SMAD2: variants seen among roughly 807,000 people sequenced by gnomAD.
SMAD2 encodes MAD homolog 2.
Under a neutral mutation model 64.4 loss-of-function variants are expected in SMAD2, and 8 were observed. The observed-to-expected ratio is 0.12, with a 90% CI of 0.07 to 0.22. The LOEUF is 0.22. SMAD2 is among the 10% of genes least tolerant of loss of function. SMAD2 has a pLI of 1.00. For synonymous variants in SMAD2, 203 were observed against 195.8 expected (o/e 1.04, Z -0.31); for missense variants, 289 against 561.2 (o/e 0.51, Z 4.90).
At position 47,813,677 on chromosome 18, in the gene SMAD2, A is replaced by G. The variant is rs1225238698; in HGVS notation, c.*28150T>C. On this transcript the variant is annotated 3_prime_UTR_variant, in exon 11 of 11. Transcript: ENST00000262160. ...TGCCTCGGCCTCCCAAAGTGCTGGG[A>G]TTACAGGCATGAGCCACTGTACCCG... 1 of 141,824 alleles carries G rather than the reference A, an allele frequency of 7.1e-6. No homozygotes were observed. Among genetic ancestry groups the G allele is most frequent in the Non-Finnish European group, 1.5e-5 (1 of 66,508 alleles). The allele number at this position is 141,824 out of a possible 1,614,324, so 8.8% of individuals were successfully genotyped here.
At chr18:47,880,319 G>A (rs112616763) in intron 2 of SMAD2, among the ~76,000 whole-genome samples, 2,613 of 152,210 alleles carry the variant, frequency 0.017, 67 homozygotes, top group African/African-American at 0.059. Context: ...TGTTTTCACT[G>A]GTGTAAGGTG....
In SMAD2 at chr18:47,813,732, T is replaced by TTTTTTTTTG. The variant is rs59275200; in HGVS notation, c.*28094_*28095insCAAAAAAAA. 8.2e-6 allele frequency: 1 copy of TTTTTTTTTG among 121,266 alleles called. No homozygotes were observed. Among genetic ancestry groups the TTTTTTTTTG allele is most frequent in the Non-Finnish European group, 1.8e-5 (1 of 56,964 alleles). The allele number at this position is 121,266 out of a possible 1,614,324, so 7.5% of individuals were successfully genotyped here. On this transcript the variant is annotated 3_prime_UTR_variant, in exon 11 of 11. Coordinates refer to ENST00000262160, the MANE Select transcript of SMAD2 (RefSeq NM_005901.6). ...CACAATTTTTTTTTTTTTTTTTTTT[T>TTTTTTTTTG]GGAGAGATGGGATCTTGCTATGTTG...
At chr18:47,903,882 G>A (rs1034751503) in intron 1 of SMAD2, among the ~76,000 whole-genome samples, 1 of 140,390 alleles carries the variant, frequency 7.1e-6, no homozygotes. Flanking sequence ...AGTGTGGGGG[G>A]GGGGGGGACT....
At chr18:47,869,622 C>T (rs1013627409) in intron 3 of SMAD2, among the ~76,000 whole-genome samples, 186 bp from the exon 4 acceptor site, 19 of 152,036 alleles carry the variant, frequency 1.2e-4, no homozygotes, top group Non-Finnish European at 2.5e-4. Flanking sequence ...TATGCAGCAG[C>T]ACTAGCAGAT....
chr18:47,843,878 T>C (rs778678259), intron 10 of SMAD2, among the ~76,000 whole-genome samples: 9 of 152,210 alleles, frequency 5.9e-5, no homozygotes, highest in African/African-American at 1.9e-4. Flanking sequence ...AGCAGATCTA[T>C]AGATACACAT....
chr18:47,883,593 G>C (rs2032732458), intron 2 of SMAD2, among the ~76,000 whole-genome samples: 1 of 152,014 alleles, frequency 6.6e-6, no homozygotes, highest in Non-Finnish European at 1.5e-5. Context: ...TTGTGATTCT[G>C]TCCCATTAAT....
chr18:47,850,998 A>G (rs1188741041), intron 7 of SMAD2, among the ~76,000 whole-genome samples: 1 of 147,432 alleles, frequency 6.8e-6, no homozygotes, highest in Admixed American at 7.1e-5. Flanking sequence ...AAATCTAGCC[A>G]TAACAGGTTA....
At chr18:47,845,625 T>A (rs899008236) in intron 9 of SMAD2, 38 bp downstream of exon 9, 1 of 1,611,390 alleles carries the variant, frequency 6.2e-7, no homozygotes, top group Non-Finnish European at 8.5e-7. Context: ...ACTAAGCAAG[T>A]TGACATGATA....
At chr18:47,874,506 T>C (rs558320722) in intron 2 of SMAD2, among the ~76,000 whole-genome samples, 5 of 152,242 alleles carry the variant, frequency 3.3e-5, no homozygotes, top group Non-Finnish European at 7.4e-5. Context: ...ACTGAATATA[T>C]GATTTGTGCA....
chr18:47,871,490 T>C (rs1475821985), intron 2 of SMAD2, among the ~76,000 whole-genome samples: 1 of 152,228 alleles, frequency 6.6e-6, no homozygotes, highest in Admixed American at 6.5e-5. Flanking sequence ...TGGCTTCCTG[T>C]GGCCAGGCAA....
intron 1 of SMAD2, among the ~76,000 whole-genome samples, chr18:47,912,686 A>G (rs1384931307): frequency 6.6e-6 from 1 of 152,178 alleles, no homozygotes; most frequent in African/African-American, 2.4e-5. Context: ...TCCTCAGAAC[A>G]AAACCTCTTT....
In SMAD2 at chr18:47,850,307, G is replaced by GTA. The variant is rs71162895; in HGVS notation, c.784+965_784+966dup. Reference sequence around the variant, plus strand: ...ATATATTATGTATAATATATATTATGTATGTTATATACATATTATGTATAA... The same window carrying GTA: ...ATATATTATGTATAATATATATTATGTATATGTTATATACATATTATGTATAA... On this transcript the variant is annotated intron_variant, in intron 7 of 10. Coordinates refer to ENST00000262160, the MANE Select transcript of SMAD2 (RefSeq NM_005901.6). 1.9e-3 allele frequency among the ~76,000 whole-genome samples: 40 copies of GTA among 20,986 alleles called. 1 individual carries two copies. The Admixed American group carries it at 0.021, about 11-fold the overall frequency. The allele number at this position is 20,986 out of a possible 152,430, so 13.8% of individuals were successfully genotyped here.
chr18:47,860,810 A>C (rs1191041043), intron 6 of SMAD2, among the ~76,000 whole-genome samples: 1 of 152,194 alleles, frequency 6.6e-6, no homozygotes, highest in South Asian at 2.1e-4. Flanking sequence ...CAGAAAAAAA[A>C]TTTGACAAAA....
rs2031825814 is a variant in SMAD2 at position 47,869,865 on chromosome 18, T to C, written c.327-429A>G. On this transcript the variant is annotated intron_variant, in intron 3 of 10. Transcript: ENST00000262160. Reference sequence around the variant, plus strand: ...TGTGAAGAATGATAAATACCAACAATGATGTGATAGTAACTTCCTCAGACT... The same window carrying C: ...TGTGAAGAATGATAAATACCAACAACGATGTGATAGTAACTTCCTCAGACT... Among the ~76,000 whole-genome samples the C allele has an allele frequency of 3.3e-5, 5 of 152,118 alleles. 1 individual carries two copies. The South Asian group carries it at 1.0e-3, about 31-fold the overall frequency.
At chr18:47,889,630 G>A (rs947301239) in intron 2 of SMAD2, among the ~76,000 whole-genome samples, 8 of 152,046 alleles carry the variant, frequency 5.3e-5, no homozygotes, top group Non-Finnish European at 1.0e-4. Context: ...AATTAGCCAG[G>A]CATGGTGGCA....
rs1265201745 is a variant in SMAD2, at chr18:47,814,761, G to C, written c.*27066C>G. On this transcript the variant is annotated 3_prime_UTR_variant, in exon 11 of 11. Coordinates refer to ENST00000262160, the MANE Select transcript of SMAD2 (RefSeq NM_005901.6). ...GTGGAAGGAGGTGTCTAGTCAGTCT[G>C]AGAAAATGTTGGCTTCCCAAAGCTT... is the stretch of plus-strand genomic sequence containing the variant. 6.6e-6 allele frequency: 1 copy of C among 152,276 alleles called. No homozygotes were observed. Among genetic ancestry groups the C allele is most frequent in the Non-Finnish European group, 1.5e-5 (1 of 68,108 alleles). The allele number at this position is 152,276 out of a possible 1,614,324, so 9.4% of individuals were successfully genotyped here. A position where few individuals can be genotyped will look rare whatever the true frequency, so the allele number is the denominator to read the frequency against.
intron 10 of SMAD2, among the ~76,000 whole-genome samples, chr18:47,842,511 G>T (rs954950165): frequency 6.6e-6 from 1 of 152,006 alleles, no homozygotes; most frequent in African/African-American, 2.4e-5. Context: ...CTGCACTCTA[G>T]CCTGGCGACA....
intron 3 of SMAD2, among the ~76,000 whole-genome samples, chr18:47,869,842 T>C (rs2031823770): frequency 6.6e-6 from 1 of 152,166 alleles, no homozygotes; most frequent in Admixed American, 6.6e-5. Flanking sequence ...GGAACTAGTG[T>C]GAAGAATGAT....
intron 4 of SMAD2, among the ~76,000 whole-genome samples, chr18:47,868,848 A>G (rs1028155568): frequency 6.6e-6 from 1 of 152,190 alleles, no homozygotes; most frequent in African/African-American, 2.4e-5. Flanking sequence ...AACTAAATGA[A>G]AAGTCTTGTT....
Sources: allele counts gnomAD v4.1 joint callset (sites outside exome capture counted in the v4.1 genomes callset), GRCh38; gene constraint gnomAD v4.1.1; transcripts MANE v1.5; gene names NCBI Gene and HGNC (gene_info 2026-07-23, HGNC 2026-07-21).